Variants in RCBTB2 observed in about 807,000 individuals in gnomAD.
RCBTB2 encodes the protein RCC1 and BTB domain-containing protein 2.
In RCBTB2, 55 loss-of-function variants were observed where a neutral mutation model predicts 65.4. The ratio of observed to expected loss-of-function variants is 0.84; its 90% CI spans 0.68 to 1.05. The LOEUF (loss-of-function observed/expected upper bound fraction) is 1.05, where lower values mean the gene tolerates loss of function less well. RCBTB2 is among the 50% of genes least tolerant of loss of function. RCBTB2 has a pLI of 0.00. For synonymous variants in RCBTB2, 220 were observed against 255.2 expected (o/e 0.86, Z 1.31); for missense variants, 599 against 680.1 (o/e 0.88, Z 1.33).
At chr13:48,513,450 AG>A (rs1950917173) in intron 6 of RCBTB2, among the ~76,000 whole-genome samples, 1 of 152,152 alleles carries the variant, frequency 6.6e-6, no homozygotes, top group African/African-American at 2.4e-5. Flanking sequence ...ACAAATGTTT[AG>A]TTTTTCCTGT....
chr13:48,527,320 C>CATATATATATATATG (rs1951799410), intron 1 of RCBTB2, among the ~76,000 whole-genome samples: 10 of 77,856 alleles, frequency 1.3e-4, no homozygotes, highest in African/African-American at 5.1e-4. Context: ...TGACTTGGCT[C>CATATATATATATATG]ATATATATAT....
chr13:48,509,551 C>G (rs1950675666), intron 10 of RCBTB2, among the ~76,000 whole-genome samples: 1 of 152,204 alleles, frequency 6.6e-6, no homozygotes, highest in African/African-American at 2.4e-5. Context: ...ACCTGCACCA[C>G]CTCCTGCCTC....
At chr13:48,497,591 C>T (rs1230337763) in intron 13 of RCBTB2, among the ~76,000 whole-genome samples, 1 of 152,132 alleles carries the variant, frequency 6.6e-6, no homozygotes, top group East Asian at 1.9e-4. Flanking sequence ...CTAGCTGAAT[C>T]CGGCTACTAG....
intron 1 of RCBTB2, among the ~76,000 whole-genome samples, chr13:48,525,373 G>T (rs1295065429): frequency 1.3e-3 from 70 of 54,504 alleles, no homozygotes; most frequent in African/African-American, 2.4e-3. Flanking sequence ...AAGGATTCAT[G>T]ATATATATAT....
At chr13:48,518,472 AAT>A (rs779789935) in intron 4 of RCBTB2, among the ~76,000 whole-genome samples, 16,443 of 115,746 alleles carry the variant, frequency 0.14, 873 homozygotes, top group East Asian at 0.17. Context: ...AAAAAAAAAA[AAT>A]ATATATATAT....
chr13:48,515,753 A>G lies in RCBTB2; in HGVS notation c.43-12T>C, dbSNP rs759439957. 3 of 1,591,146 alleles carry G rather than the reference A, an allele frequency of 1.9e-6. No individual in the cohort carries two copies. The South Asian group carries it at 3.5e-5, about 18-fold the overall frequency. The stretch of plus-strand genomic sequence containing the variant: ...GTAGCCTGTACTGGCTGAAAAGGAA[A>G]AAATATATGTTGAAATGACAAATTA... On this transcript the variant is annotated splice_polypyrimidine_tract_variant and intron_variant, in intron 4 of 14. Transcript: ENST00000344532.
chr13:48,501,721 C>T, intron 12 of RCBTB2, 21 bp downstream of exon 12: 1 of 1,596,770 alleles, frequency 6.3e-7, no homozygotes, highest in Non-Finnish European at 8.6e-7. Flanking sequence ...TTTCTCAATT[C>T]TCAAATAAAT....
intron 3 of RCBTB2, 55 bp downstream of exon 3, chr13:48,522,253 G>A: frequency 8.6e-7 from 1 of 1,163,434 alleles, no homozygotes; most frequent in Non-Finnish European, 1.2e-6. Context: ...GAAATCAGTA[G>A]AAAATTTTCA....
At chr13:48,501,699 GA>G (rs757517192) in intron 12 of RCBTB2, 42 bp downstream of exon 12, 276 of 1,548,432 alleles carry the variant, frequency 1.8e-4, no homozygotes, top group Non-Finnish European at 2.4e-4. Flanking sequence ...TATAATTGTT[GA>G]ACGAATTACT....
chr13:48,511,356 CGATTT>C (rs774416535), intron 9 of RCBTB2, among the ~76,000 whole-genome samples: 2 of 152,114 alleles, frequency 1.3e-5, no homozygotes, highest in Non-Finnish European at 2.9e-5. Flanking sequence ...CATTAACTTA[CGATTT>C]GATTAGTAAA....
intron 3 of RCBTB2, 57 bp downstream of exon 3, chr13:48,522,251 T>C (rs1951469038): frequency 2.7e-6 from 3 of 1,117,230 alleles, no homozygotes; most frequent in Middle Eastern, 2.0e-4. Context: ...AGGAAATCAG[T>C]AGAAAATTTT....
chr13:48,495,452 T>G (rs1421519593), intron 14 of RCBTB2, among the ~76,000 whole-genome samples: 1 of 152,232 alleles, frequency 6.6e-6, no homozygotes, highest in South Asian at 2.1e-4. Flanking sequence ...TTTCTTGATA[T>G]TAACATTTTA....
intron 13 of RCBTB2, among the ~76,000 whole-genome samples, chr13:48,497,734 T>C (rs796624132): frequency 1.7e-4 from 26 of 152,380 alleles, no homozygotes; most frequent in African/African-American, 5.8e-4. Context: ...ATAAATCTTA[T>C]ACATGTGGTA....
chr13:48,511,689 C>G, intron 9 of RCBTB2, 81 bp downstream of exon 9: 1 of 1,223,138 alleles, frequency 8.2e-7, no homozygotes, highest in Admixed American at 2.6e-5. Flanking sequence ...ATCCTGCCAA[C>G]AAATCTATGT....
rs751637258 is a variant in RCBTB2 at position 48,515,099 on chromosome 13, CAT to C, written c.349+104_349+105del. ...CATTCATGTTTTATGGTATCCAAAA[CAT>C]AGTCAATTTCACAGGAAGAGCTAGC... is the stretch of plus-strand genomic sequence containing the variant. On this transcript the variant is annotated intron_variant, in intron 6 of 14. Coordinates refer to ENST00000344532, the MANE Select transcript of RCBTB2 (RefSeq NM_001268.4). 16 of 1,049,110 alleles carry C rather than the reference CAT, an allele frequency of 1.5e-5. No homozygotes were observed. The African/African-American group carries it at 2.6e-4, about 17-fold the overall frequency. The allele number at this position is 1,049,110 out of a possible 1,614,324, so 65.0% of individuals were successfully genotyped here.
intron 1 of RCBTB2, among the ~76,000 whole-genome samples, chr13:48,529,557 G>A (rs56155028): frequency 0.016 from 2,436 of 152,292 alleles, 60 homozygotes; most frequent in African/African-American, 0.055. Flanking sequence ...GGCTGAAGAC[G>A]TAAAAGAAAC....
chr13:48,502,342 A>G (rs1950273707), intron 11 of RCBTB2, among the ~76,000 whole-genome samples: 1 of 152,076 alleles, frequency 6.6e-6, no homozygotes, highest in Non-Finnish European at 1.5e-5. Flanking sequence ...AGTTTCTTTA[A>G]ATTAGCCAGG....
chr13:48,490,262 C>G lies in RCBTB2; in HGVS notation c.1516-11G>C, dbSNP rs1214773008. 1 of 1,605,752 alleles carries G rather than the reference C, an allele frequency of 6.2e-7. No homozygotes were observed. The highest frequency in any genetic ancestry group is 1.7e-4 in the Middle Eastern group (1 of 6,032). On this transcript the variant is annotated splice_polypyrimidine_tract_variant and intron_variant, in intron 14 of 14. Coordinates refer to ENST00000344532, the MANE Select transcript of RCBTB2 (RefSeq NM_001268.4). ...GAATTCTTCTAAATCCTAGGAACAA[C>G]AACAAAGATGGTTTAATAAATTCAT...
chr13:48,501,463 A>G (rs991523020), intron 12 of RCBTB2, among the ~76,000 whole-genome samples: 3 of 152,198 alleles, frequency 2.0e-5, no homozygotes, highest in African/African-American at 7.2e-5. Context: ...TTCAGAGCAC[A>G]GGACACACTT....
Sources: gnomAD v4.1 joint callset for allele counts (sites outside exome capture counted in the v4.1 genomes callset) on GRCh38, gnomAD v4.1.1 for gene constraint, MANE v1.5 for transcripts, NCBI Gene and HGNC (gene_info 2026-07-23, HGNC 2026-07-21) for gene names.